The following CEP89 variants were observed in gnomAD, a reference collection of about 807,000 sequenced individuals.
CEP89 encodes the protein centrosomal protein 89.
A neutral mutation model predicts 97.6 loss-of-function variants in CEP89; 95 were observed. The ratio of observed to expected loss-of-function variants is 0.97; its 90% CI spans 0.82 to 1.15. The LOEUF is 1.15. CEP89 is among the 50% of genes most tolerant of loss of function. CEP89 has a pLI of 0.00. For synonymous variants in CEP89, 354 were observed against 349.1 expected (o/e 1.01, Z -0.16); for missense variants, 869 against 947.7 (o/e 0.92, Z 1.09).
intron 5 of CEP89, among the ~76,000 whole-genome samples, chr19:32,945,696 T>C (rs1401187651): frequency 6.6e-6 from 1 of 152,090 alleles, no homozygotes; most frequent in Non-Finnish European, 1.5e-5. Flanking sequence ...AGTCCAAGGG[T>C]CTCACTATAT....
rs1345437111 is a variant in CEP89 at position 32,878,755 on chromosome 19, GC to G, written c.*406del. 6.4e-6 allele frequency: 1 copy of G among 157,330 alleles called. No individual in the cohort carries two copies. Among genetic ancestry groups the G allele is most frequent in the Non-Finnish European group, 1.4e-5 (1 of 71,698 alleles). The allele number at this position is 157,330 out of a possible 1,614,324, so 9.7% of individuals were successfully genotyped here. Reference sequence around the variant, plus strand: ...GGCCAAGGCAGGAGGACAGATTGAGGCCAGGAGTTCAAGACCAGCCTGAGCA... The same window carrying G: ...GGCCAAGGCAGGAGGACAGATTGAGGCAGGAGTTCAAGACCAGCCTGAGCA... On this transcript the variant is annotated 3_prime_UTR_variant, in exon 19 of 19. Coordinates refer to ENST00000305768, the MANE Select transcript of CEP89 (RefSeq NM_032816.5).
At chr19:32,902,632 GCTCC>G (rs1969805046) in intron 14 of CEP89, among the ~76,000 whole-genome samples, 2 of 152,182 alleles carry the variant, frequency 1.3e-5, no homozygotes. Context: ...TGCTGCAACT[GCTCC>G]CTCCACCTTC....
chr19:32,891,854 A>G (rs1381951697), intron 16 of CEP89, among the ~76,000 whole-genome samples: 1 of 150,934 alleles, frequency 6.6e-6, no homozygotes, highest in Non-Finnish European at 1.5e-5. Context: ...AGAGAGAGAG[A>G]AAAGGAGCAA....
chr19:32,891,630 A>C (rs1969519067), intron 16 of CEP89, among the ~76,000 whole-genome samples: 1 of 152,318 alleles, frequency 6.6e-6, no homozygotes, highest in African/African-American at 2.4e-5. Flanking sequence ...TCAGAAAAAC[A>C]ATTCAGGATA....
intron 14 of CEP89, among the ~76,000 whole-genome samples, chr19:32,905,860 A>G (rs768700127): frequency 5.9e-5 from 9 of 152,304 alleles, no homozygotes; most frequent in Non-Finnish European, 8.8e-5. Flanking sequence ...CTGGGATTAC[A>G]GACGGTAAGC....
intron 4 of CEP89, among the ~76,000 whole-genome samples, chr19:32,948,850 G>C (rs963362847): frequency 1.3e-5 from 2 of 152,042 alleles, no homozygotes; most frequent in Non-Finnish European, 2.9e-5. Flanking sequence ...TCAGCCTCTG[G>C]AGTAGCTGGG....
At chr19:32,945,315 T>C (rs1028311868) in intron 5 of CEP89, among the ~76,000 whole-genome samples, 165 of 139,602 alleles carry the variant, frequency 1.2e-3, no homozygotes, top group Non-Finnish European at 2.4e-3. Flanking sequence ...AGTACAGACC[T>C]CTGGGCCCAG....
intron 16 of CEP89, among the ~76,000 whole-genome samples, chr19:32,888,391 A>C (rs1177590512): frequency 6.6e-6 from 1 of 152,194 alleles, no homozygotes; most frequent in East Asian, 1.9e-4. Flanking sequence ...CAGATGCTAA[A>C]ATAAAATAAG....
At position 32,915,317 on chromosome 19, in the gene CEP89, A is replaced by AAAAAACAT. The variant is rs750632149; in HGVS notation, c.1565+12_1565+19dup. Reference sequence around the variant, plus strand: ...CGAAAAAAGAAAAAAAAAAAAAAAGAAAAAACATTAAATCCTTACCTTTTT... The same window carrying AAAAAACAT: ...CGAAAAAAGAAAAAAAAAAAAAAAGAAAAAACATAAAAACATTAAATCCTTACCTTTTT... On this transcript the variant is annotated intron_variant, in intron 14 of 18. Transcript: ENST00000305768. 6 of 1,556,410 alleles carry AAAAAACAT rather than the reference A, an allele frequency of 3.9e-6. No individual in the cohort carries two copies. The African/African-American group carries it at 8.4e-5, about 22-fold the overall frequency.
rs559657679 is a variant in CEP89 at position 32,939,898 on chromosome 19, A to G, written c.596-13T>C. ...GGGTGTTTACCATCTGATGAAGAAA[A>G]AGAGAGAGAGATAAACTTTTAAAGT... On this transcript the variant is annotated splice_polypyrimidine_tract_variant and intron_variant, in intron 5 of 18. Coordinates refer to ENST00000305768, the MANE Select transcript of CEP89 (RefSeq NM_032816.5). The G allele has an allele frequency of 8.8e-6, 11 of 1,249,822 alleles. No homozygotes were observed. Among genetic ancestry groups the G allele is most frequent in the Admixed American group, 4.1e-5 (2 of 48,906 alleles). The allele number at this position is 1,249,822 out of a possible 1,614,324, so 77.4% of individuals were successfully genotyped here. A position where few individuals can be genotyped will look rare whatever the true frequency, so the allele number is the denominator to read the frequency against.
intron 12 of CEP89, among the ~76,000 whole-genome samples, chr19:32,921,525 G>C (rs753614345): frequency 6.6e-5 from 10 of 152,262 alleles, no homozygotes; most frequent in African/African-American, 9.6e-5. Flanking sequence ...GCAGGATTGG[G>C]GAACACTGCG....
rs1599701791 is a variant in CEP89 at position 32,879,228 on chromosome 19, C to G, written c.2286G>C (p.Gln762His). The G allele has an allele frequency of 6.2e-7, 1 of 1,614,168 alleles. No homozygotes were observed. Among genetic ancestry groups the G allele is most frequent in the Non-Finnish European group, 8.5e-7 (1 of 1,180,034 alleles). Residue 762 changes from glutamine (Q) to histidine (H), a missense_variant, in exon 19 of 19, where the codon CAG (glutamine) becomes CAC (histidine). Coordinates refer to ENST00000305768, the MANE Select transcript of CEP89 (RefSeq NM_032816.5). ...LVAPSLNGVS[Q>H]ADLLDGCDVC... is the part of the protein sequence containing the mutation. ...CATCGCAGCCGTCCAGCAGGTCTGC[C>G]TGAGAGACGCCATTGAGGCTGGGGG... is the stretch of plus-strand genomic sequence containing the variant.
At chr19:32,886,269 T>G (rs1000970783) in intron 17 of CEP89, among the ~76,000 whole-genome samples, 3 of 152,218 alleles carry the variant, frequency 2.0e-5, no homozygotes, top group African/African-American at 7.2e-5. Flanking sequence ...TAAACTGCTT[T>G]TATATGAAGG....
intron 9 of CEP89, among the ~76,000 whole-genome samples, chr19:32,928,661 A>T (rs1279316825): frequency 6.6e-6 from 1 of 152,122 alleles, no homozygotes; most frequent in Non-Finnish European, 1.5e-5. Context: ...TTGCAGTCTC[A>T]TCCTACACAT....
chr19:32,900,021 A>G (rs765134397), intron 15 of CEP89, 23 bp from the exon 16 acceptor site: 1 of 1,612,938 alleles, frequency 6.2e-7, no homozygotes, highest in Non-Finnish European at 8.5e-7. Flanking sequence ...CCCAAATGGT[A>G]GAATAAAAAG....
intron 16 of CEP89, among the ~76,000 whole-genome samples, chr19:32,899,338 T>C (rs1969714917): frequency 6.6e-6 from 1 of 152,060 alleles, no homozygotes; most frequent in African/African-American, 2.4e-5. Context: ...CTCACTATGT[T>C]ACCCAGACTG....
intron 14 of CEP89, among the ~76,000 whole-genome samples, chr19:32,908,176 T>C (rs1599729002): frequency 6.6e-6 from 1 of 152,370 alleles, no homozygotes; most frequent in South Asian, 2.1e-4. Context: ...CGATTGTGTT[T>C]TGATAGCCCC....
intron 2 of CEP89, 110 bp from the exon 3 acceptor site, chr19:32,960,168 T>A (rs1457432726): frequency 1.0e-5 from 12 of 1,183,474 alleles, no homozygotes; most frequent in Non-Finnish European, 1.4e-5. Context: ...CAGTGTCGAC[T>A]GAGCATTTAC....
intron 14 of CEP89, among the ~76,000 whole-genome samples, chr19:32,902,345 C>A (rs116789665): frequency 0.011 from 1,606 of 152,170 alleles, 28 homozygotes; most frequent in African/African-American, 0.037. Context: ...TCAACTGTAA[C>A]TGTAAAACAT....
Sources: allele counts gnomAD v4.1 joint callset (sites outside exome capture counted in the v4.1 genomes callset), GRCh38; gene constraint gnomAD v4.1.1; transcripts MANE v1.5; gene names NCBI Gene and HGNC (gene_info 2026-07-23, HGNC 2026-07-21).